Variants in ZNF799 observed in about 807,000 individuals in gnomAD.
ZNF799 encodes the protein zinc finger protein 799.
Under a neutral mutation model 41.0 loss-of-function variants are expected in ZNF799, and 28 were observed. The observed-to-expected ratio is 0.68, with a 90% CI of 0.51 to 0.94. The LOEUF (loss-of-function observed/expected upper bound fraction) is 0.94, where lower values mean the gene tolerates loss of function less well. Among genes scored for constraint, ZNF799 ranks in the 40% least tolerant of loss-of-function variants. ZNF799 has a pLI of 0.00. For missense variants in ZNF799, 716 were observed against 764.3 expected (o/e 0.94, Z 0.74); for synonymous variants, 213 against 252.9 (o/e 0.84, Z 1.50).
chr19:12,395,830 C>G lies in ZNF799; in HGVS notation c.4-2407G>C, dbSNP rs141999771. 7.7e-3 allele frequency among the ~76,000 whole-genome samples: 1,171 copies of G among 152,308 alleles called. 11 individuals carry two copies. Among genetic ancestry groups the G allele is most frequent in the African/African-American group, 0.027 (1,105 of 41,562 alleles). ...CTGGCTAAGTGTTCAAGGGATGCCC[C>G]AGGCACAGAGCCATCCACAAAGACT... On this transcript the variant is annotated intron_variant, in intron 1 of 3. Coordinates refer to ENST00000430385, the MANE Select transcript of ZNF799 (RefSeq NM_001080821.3).
rs753350557 is a variant in ZNF799 at position 12,401,105 on chromosome 19, C to A, written c.-35G>T. 6.2e-7 allele frequency: 1 copy of A among 1,613,572 alleles called. No homozygotes were observed. Among genetic ancestry groups the A allele is most frequent in the Non-Finnish European group, 8.5e-7 (1 of 1,179,766 alleles). ...TCCGCGGTGTCCCAGGTCCTCCGGA[C>A]GGCTCCCGCTGCCAATGCGGGTTCC... is the stretch of plus-strand genomic sequence containing the variant. On this transcript the variant is annotated 5_prime_UTR_variant, in exon 1 of 4. Coordinates refer to ENST00000430385, the MANE Select transcript of ZNF799 (RefSeq NM_001080821.3).
chr19:12,397,195 T>C (rs1969908493), intron 1 of ZNF799, among the ~76,000 whole-genome samples: 1 of 152,164 alleles, frequency 6.6e-6, no homozygotes, highest in African/African-American at 2.4e-5. Context: ...ACAGTGTTAC[T>C]TAAAACTGAA....
chr19:12,395,117 C>T (rs1382772632), intron 1 of ZNF799: 1 of 152,454 alleles, frequency 6.6e-6, no homozygotes, highest in African/African-American at 2.4e-5. Context: ...TAAGGACTAT[C>T]CCGAGGTCTG....
At chr19:12,414,087 G>T in the ZNF799 span, among the ~76,000 whole-genome samples, 3 of 152,142 alleles carry the variant, frequency 2.0e-5, no homozygotes, top group Admixed American at 6.5e-5. Flanking sequence ...GGAACCAAGC[G>T]CAAGGAGTGG....
upstream of ZNF799, among the ~76,000 whole-genome samples, chr19:12,402,042 G>A (rs1405977760): frequency 2.6e-5 from 4 of 152,006 alleles, no homozygotes; most frequent in East Asian, 1.9e-4. Flanking sequence ...ACTACTCCTC[G>A]CTACTACTTT....
At chr19:12,414,019 T>TCCCAGTGTGC in the ZNF799 span, among the ~76,000 whole-genome samples, 1 of 151,928 alleles carries the variant, frequency 6.6e-6, no homozygotes, top group Non-Finnish European at 1.5e-5. Flanking sequence ...CCTGTGCGGG[T>TCCCAGTGTGC]CCCAGTGTGC....
At chr19:12,415,029 G>T in the ZNF799 span, among the ~76,000 whole-genome samples, 1 of 152,122 alleles carries the variant, frequency 6.6e-6, no homozygotes, top group Non-Finnish European at 1.5e-5. Context: ...GTTTTGCCAT[G>T]TTTTTAAGGA....
At chr19:12,402,617 G>GT (rs35988396), upstream of ZNF799, among the ~76,000 whole-genome samples, 6 of 151,298 alleles carry the variant, frequency 4.0e-5, no homozygotes, top group Admixed American at 4.0e-4. Flanking sequence ...TCTATACCCA[G>GT]TTTTTTTTTA....
intron 1 of ZNF799, among the ~76,000 whole-genome samples, chr19:12,397,848 G>A (rs1408013304): frequency 1.3e-5 from 2 of 152,124 alleles, no homozygotes; most frequent in African/African-American, 2.4e-5. Flanking sequence ...ACCAATGTGT[G>A]CAAGAAAACT....
upstream of ZNF799, chr19:12,401,402 C>T (rs1599610167): frequency 1.7e-6 from 1 of 580,536 alleles, no homozygotes; most frequent in Non-Finnish European, 2.8e-6. Flanking sequence ...TGACACAGCC[C>T]TTGGCAGGGC....
At chr19:12,405,124 T>C (rs1970020847), upstream of ZNF799, among the ~76,000 whole-genome samples, 1 of 152,158 alleles carries the variant, frequency 6.6e-6, no homozygotes, top group Non-Finnish European at 1.5e-5. Flanking sequence ...TTCTTCAGTT[T>C]TGGGGCTTGG....
chr19:12,407,461 T>TAA, the ZNF799 span, among the ~76,000 whole-genome samples: 1 of 119,058 alleles, frequency 8.4e-6, no homozygotes. Context: ...AGACCCTATC[T>TAA]AAAAAAAAAA....
chr19:12,410,254 CATAT>C, the ZNF799 span, among the ~76,000 whole-genome samples: 7,418 of 59,390 alleles, frequency 0.12, 308 homozygotes, highest in Middle Eastern at 0.2. Context: ...TGTCTGTGTG[CATAT>C]ATATATATAT....
At chr19:12,411,218 T>G in the ZNF799 span, among the ~76,000 whole-genome samples, 1 of 152,182 alleles carries the variant, frequency 6.6e-6, no homozygotes, top group African/African-American at 2.4e-5. Context: ...AGCCTCTACA[T>G]CTTTGAGAAA....
Position 12,390,236 on chromosome 19 carries a change from C to T in ZNF799, c.*230G>A, listed in dbSNP as rs1388876333. 5.0e-6 allele frequency: 4 copies of T among 805,964 alleles called. No homozygotes were observed. In the East Asian group the frequency reaches 1.1e-4, roughly 22 times the overall value. The allele number at this position is 805,964 out of a possible 1,614,324, so 49.9% of individuals were successfully genotyped here. A position where few individuals can be genotyped will look rare whatever the true frequency, so the allele number is the denominator to read the frequency against. ...TATACAAGAGGATGTGGGTAAGTTA[C>T]ATACAAATATGTCATTTTATAAAAG... On this transcript the variant is annotated 3_prime_UTR_variant, in exon 4 of 4. Transcript: ENST00000430385.
At position 12,398,563 on chromosome 19, in the gene ZNF799, T is replaced by A. The variant is rs543264604; in HGVS notation, c.3+2505A>T. ...TTTCCATGATAGTAAGTGATACAGT[T>A]AAAAATAATTATATTTTACTTCTTT... is the stretch of plus-strand genomic sequence containing the variant. On this transcript the variant is annotated intron_variant, in intron 1 of 3. Coordinates refer to ENST00000430385, the MANE Select transcript of ZNF799 (RefSeq NM_001080821.3). 9.0e-3 allele frequency among the ~76,000 whole-genome samples: 1,372 copies of A among 152,312 alleles called. 13 individuals carry two copies. Among genetic ancestry groups the A allele is most frequent in the African/African-American group, 0.031 (1,271 of 41,554 alleles).
chr19:12,395,638 A>G (rs1185296434), intron 1 of ZNF799, among the ~76,000 whole-genome samples: 1 of 152,236 alleles, frequency 6.6e-6, no homozygotes, highest in Non-Finnish European at 1.5e-5. Context: ...ATATCAGGGT[A>G]CTCAAAAGCA....
At chr19:12,392,889 C>G (rs565458537) in intron 2 of ZNF799, among the ~76,000 whole-genome samples, 1 of 152,184 alleles carries the variant, frequency 6.6e-6, no homozygotes, top group Non-Finnish European at 1.5e-5. Context: ...TCCTCTTACT[C>G]AGCCTACTCA....
At chr19:12,394,640 T>C in intron 1 of ZNF799, 1 of 985,342 alleles carries the variant, frequency 1.0e-6, no homozygotes, top group Non-Finnish European at 1.2e-6. Context: ...TTTTAAACAT[T>C]TTGAGTAACG....
Sources: gnomAD v4.1 joint callset for allele counts (sites outside exome capture counted in the v4.1 genomes callset) on GRCh38, gnomAD v4.1.1 for gene constraint, MANE v1.5 for transcripts, NCBI Gene and HGNC (gene_info 2026-07-23, HGNC 2026-07-21) for gene names.